Variants in KCTD15 observed in about 807,000 individuals in gnomAD.
The protein encoded by KCTD15 is BTB/POZ domain-containing protein KCTD15.
A neutral mutation model predicts 27.2 loss-of-function variants in KCTD15; 11 were observed. The ratio of observed to expected loss-of-function variants is 0.41; its 90% CI spans 0.25 to 0.67. The LOEUF is 0.67. Ranked by LOEUF, KCTD15 falls within the 30% of genes least tolerant of loss-of-function variation. The pLI, the probability that KCTD15 is intolerant of heterozygous loss-of-function variation, is 0.35. For synonymous variants in KCTD15, 163 were observed against 176.0 expected, an observed-to-expected ratio of 0.93 and a Z score of 0.58; for missense variants, 350 against 409.3, an observed-to-expected ratio of 0.86 and a Z score of 1.25.
intron 4 of KCTD15, among the ~76,000 whole-genome samples, chr19:33,805,695 C>T (rs1975688743): frequency 6.6e-6 from 1 of 152,206 alleles, no homozygotes. Context: ...TGTGGTGGTG[C>T]TGCCCTTGGG....
At chr19:33,807,917 G>A (rs547949485) in intron 5 of KCTD15, among the ~76,000 whole-genome samples, 1 of 151,424 alleles carries the variant, frequency 6.6e-6, no homozygotes, top group South Asian at 2.1e-4. Context: ...CTGCACTCCA[G>A]CCTGGATGAC....
chr19:33,809,978 A>G (rs1052125376), intron 5 of KCTD15, among the ~76,000 whole-genome samples: 8 of 152,208 alleles, frequency 5.3e-5, no homozygotes, highest in African/African-American at 1.9e-4. Flanking sequence ...AGGATGGGCC[A>G]CTGACCCATG....
rs1006572947 is a variant in KCTD15, at chr19:33,800,414, G to A, written c.-27-14G>A. 56 of 1,575,304 alleles carry A rather than the reference G, an allele frequency of 3.6e-5. No individual in the cohort carries two copies. Among genetic ancestry groups the A allele is most frequent in the Non-Finnish European group, 4.1e-5 (47 of 1,158,640 alleles). On this transcript the variant is annotated splice_polypyrimidine_tract_variant and intron_variant, in intron 2 of 6. Transcript: ENST00000683859. The stretch of plus-strand genomic sequence containing the variant: ...GGAATAAGCCTTCTCTGGTTTTGTC[G>A]ATGCCTCCCGCAGATACTCTGGGCA...
intron 2 of KCTD15, among the ~76,000 whole-genome samples, chr19:33,799,424 T>C (rs567208513): frequency 6.6e-6 from 1 of 152,206 alleles, no homozygotes; most frequent in African/African-American, 2.4e-5. Context: ...AGCCAGTGTC[T>C]GTGGATGTGT....
intron 2 of KCTD15, 144 bp from the exon 3 acceptor site, chr19:33,800,284 G>A: frequency 1.5e-6 from 1 of 654,342 alleles, no homozygotes; most frequent in Non-Finnish European, 2.8e-6. Flanking sequence ...AGAGATAGTG[G>A]CGGTGGAGTC....
At chr19:33,795,752 G>C (rs936789796), upstream of KCTD15, among the ~76,000 whole-genome samples, 4 of 152,116 alleles carry the variant, frequency 2.6e-5, no homozygotes, top group African/African-American at 9.7e-5. Flanking sequence ...CGGAGACTGG[G>C]GAGGGGCGTC....
At chr19:33,811,877 C>T (rs1975937692) in intron 6 of KCTD15, 1 of 1,595,282 alleles carries the variant, frequency 6.3e-7, no homozygotes, top group Non-Finnish European at 8.5e-7. Context: ...CGAACTAAAC[C>T]CAGGCAACAG....
chr19:33,795,822 G>C (rs1017879950), upstream of KCTD15: 2 of 152,002 alleles, frequency 1.3e-5, no homozygotes, highest in African/African-American at 2.4e-5. Context: ...CGCGCCGCGC[G>C]CGTAAAGGAA....
rs1196533585 is a variant in KCTD15 at position 33,800,410 on chromosome 19, T to A, written c.-27-18T>A. ...AGGAGGAATAAGCCTTCTCTGGTTTTGTCGATGCCTCCCGCAGATACTCTG... is the reference window on the plus strand; with the variant it reads ...AGGAGGAATAAGCCTTCTCTGGTTTAGTCGATGCCTCCCGCAGATACTCTG... On this transcript the variant is annotated intron_variant, in intron 2 of 6. Transcript: ENST00000683859. 1.3e-6 allele frequency: 2 copies of A among 1,566,910 alleles called. No individual in the cohort carries two copies. Among genetic ancestry groups the A allele is most frequent in the East Asian group, 2.3e-5 (1 of 43,342 alleles).
rs1442411602 is a variant in KCTD15, at chr19:33,815,577, G to A, written c.*2629G>A. On this transcript the variant is annotated 3_prime_UTR_variant, in exon 7 of 7. Transcript: ENST00000683859. ...CTTCCCCGTTTCCCACCAAACCCCT[G>A]CCAGTGAGTGCAGAGAACTCGCAAA... 1.3e-5 allele frequency: 2 copies of A among 152,010 alleles called. No individual in the cohort carries two copies. Among genetic ancestry groups the A allele is most frequent in the Non-Finnish European group, 2.9e-5 (2 of 68,024 alleles). 9.4% of individuals were successfully genotyped at this position (152,010 alleles called of 1,614,324 possible). A position where few individuals can be genotyped will look rare whatever the true frequency, so the allele number is the denominator to read the frequency against.
At chr19:33,803,110 T>C (rs1230572091) in intron 4 of KCTD15, among the ~76,000 whole-genome samples, 1 of 152,250 alleles carries the variant, frequency 6.6e-6, no homozygotes. Context: ...AGTCTATGTT[T>C]ATTCTTCCCC....
At chr19:33,804,742 C>G (rs916852437) in intron 4 of KCTD15, among the ~76,000 whole-genome samples, 2 of 152,214 alleles carry the variant, frequency 1.3e-5, no homozygotes, top group African/African-American at 4.8e-5. Context: ...GTGGAACCCA[C>G]AGCCTTTCCA....
At chr19:33,795,756 G>A (rs1250329620), upstream of KCTD15, among the ~76,000 whole-genome samples, 1 of 152,090 alleles carries the variant, frequency 6.6e-6, no homozygotes, top group Non-Finnish European at 1.5e-5. Flanking sequence ...GACTGGGGAG[G>A]GGCGTCCGGG....
At chr19:33,802,697 G>A (rs1468798028) in intron 4 of KCTD15, among the ~76,000 whole-genome samples, 4 of 152,158 alleles carry the variant, frequency 2.6e-5, no homozygotes, top group Non-Finnish European at 4.4e-5. Context: ...GTCTAGGATG[G>A]GAGATAGATT....
chr19:33,806,424 T>G (rs1412663094), intron 4 of KCTD15, among the ~76,000 whole-genome samples: 2 of 152,136 alleles, frequency 1.3e-5, no homozygotes, highest in African/African-American at 4.8e-5. Context: ...CCTGGCTCGT[T>G]TACTGGGTGT....
intron 4 of KCTD15, 76 bp from the exon 5 acceptor site, chr19:33,806,787 G>A (rs952208932): frequency 4.6e-6 from 7 of 1,524,898 alleles, no homozygotes; most frequent in South Asian, 2.4e-5. Flanking sequence ...GCCCTCAGGA[G>A]TGGGGGCGGG....
At chr19:33,808,582 C>T (rs1975783128) in intron 5 of KCTD15, among the ~76,000 whole-genome samples, 1 of 152,082 alleles carries the variant, frequency 6.6e-6, no homozygotes, top group Non-Finnish European at 1.5e-5. Context: ...TGTTTGATGT[C>T]AGGACCTTGG....
intron 5 of KCTD15, among the ~76,000 whole-genome samples, chr19:33,808,240 C>T (rs1374758168): frequency 6.6e-6 from 1 of 152,242 alleles, no homozygotes; most frequent in East Asian, 1.9e-4. Flanking sequence ...AGCCCTGGGG[C>T]CTTGTCTTTC....
intron 4 of KCTD15, among the ~76,000 whole-genome samples, chr19:33,806,259 C>T (rs551046128): frequency 3.3e-5 from 5 of 152,308 alleles, no homozygotes; most frequent in African/African-American, 7.2e-5. Context: ...TCTCTGGGTG[C>T]CTGGTGTTGA....
Sources: gnomAD v4.1 joint callset for allele counts (sites outside exome capture counted in the v4.1 genomes callset) on GRCh38, gnomAD v4.1.1 for gene constraint, MANE v1.5 for transcripts, NCBI Gene and HGNC (gene_info 2026-07-23, HGNC 2026-07-21) for gene names.